The following WNK2 variants were observed in gnomAD, a reference collection of about 807,000 sequenced individuals.
The protein encoded by WNK2 is serine/threonine-protein kinase WNK2.
WNK2 carries 67 observed loss-of-function variants against 192.1 expected under a neutral mutation model. The ratio of observed to expected loss-of-function variants is 0.35; its 90% CI spans 0.29 to 0.43. WNK2 has a LOEUF of 0.43. Ranked by LOEUF, WNK2 falls within the 20% of genes least tolerant of loss-of-function variation. WNK2 has a pLI of 1.00. For missense variants in WNK2, 2,698 were observed against 3,089.7 expected (o/e 0.87, Z 3.01); for synonymous variants, 1,439 against 1,393.9 (o/e 1.03, Z -0.72).
In WNK2 at chr9:93,257,008, C is replaced by G. The variant is rs777610809; in HGVS notation, c.2251C>G (p.Pro751Ala). ...PQVLAPQPVV[P>A]LQPVPPHLPP... ...GGTCCTGGCCCCACAGCCCGTGGTCCCCCTCCAGCCGGTTCCCCCCCACCT... is the reference window on the plus strand; with the variant it reads ...GGTCCTGGCCCCACAGCCCGTGGTCGCCCTCCAGCCGGTTCCCCCCCACCT... Residue 751 changes from proline to alanine, a missense_variant, in exon 11 of 30, where the codon CCC becomes GCC. Transcript: ENST00000427277. The surrounding 1 kb of genome is among the most constrained non-coding windows in gnomAD (Gnocchi z 4.7). 1.0e-5 allele frequency: 16 copies of G among 1,601,222 alleles called. No homozygotes were observed. In the South Asian group the frequency reaches 1.6e-4, roughly 16 times the overall value.
intron 19 of WNK2, among the ~76,000 whole-genome samples, chr9:93,281,270 T>A (rs1038408060): frequency 1.3e-5 from 2 of 152,162 alleles, no homozygotes; most frequent in African/African-American, 4.8e-5. Context: ...TCAGCAGAGG[T>A]TCCCAATGGT....
At chr9:93,243,489 T>C (rs1294434641) in intron 7 of WNK2, among the ~76,000 whole-genome samples, 1 of 152,196 alleles carries the variant, frequency 6.6e-6, no homozygotes, top group East Asian at 1.9e-4. Context: ...CTTTTGCATT[T>C]TTTTCATTGT....
intron 21 of WNK2, among the ~76,000 whole-genome samples, chr9:93,291,505 G>A (rs1849343581): frequency 6.6e-6 from 1 of 152,178 alleles, no homozygotes; most frequent in South Asian, 2.1e-4. Flanking sequence ...GAGATATGAG[G>A]AGGGGAGTCA....
intron 8 of WNK2, among the ~76,000 whole-genome samples, 159 bp from the exon 9 acceptor site, chr9:93,252,724 T>C (rs1252761485): frequency 1.3e-5 from 2 of 152,166 alleles, no homozygotes. Flanking sequence ...CCCAGTATGG[T>C]TCTGTAGCAG....
intron 19 of WNK2, among the ~76,000 whole-genome samples, chr9:93,281,517 G>C (rs1467900376): frequency 1.3e-5 from 2 of 152,110 alleles, no homozygotes; most frequent in African/African-American, 4.8e-5. Flanking sequence ...GAAAACAGTA[G>C]AAAATAGAAA....
intron 19 of WNK2, among the ~76,000 whole-genome samples, chr9:93,281,875 C>T (rs1219132403): frequency 6.6e-6 from 1 of 152,086 alleles, no homozygotes; most frequent in African/African-American, 2.4e-5. Flanking sequence ...GGAAATAAGC[C>T]CCAACCTCAA....
intron 2 of WNK2, among the ~76,000 whole-genome samples, chr9:93,213,735 G>A (rs1342174056): frequency 1.3e-5 from 2 of 151,886 alleles, no homozygotes; most frequent in Non-Finnish European, 2.9e-5. Context: ...GTTGCAGTAA[G>A]CCGAGATCAC....
In WNK2 at chr9:93,184,174, G is replaced by C. The variant is rs1409658019; in HGVS notation, c.-214G>C. 6.7e-6 allele frequency among the ~76,000 whole-genome samples: 1 copy of C among 149,552 alleles called. No homozygotes were observed. The highest frequency in any genetic ancestry group is 6.6e-5 in the Admixed American group (1 of 15,064). ...GCCGGGTCGGAGCCGGTGCGGGAGC[G>C]GAGCCGCGCGAAGCCGGCAGGAGCA... On this transcript the variant is annotated 5_prime_UTR_variant, in exon 1 of 30. Transcript: ENST00000427277.
chr9:93,277,227 G>A, intron 19 of WNK2, among the ~76,000 whole-genome samples: 1 of 152,188 alleles, frequency 6.6e-6, no homozygotes, highest in East Asian at 1.9e-4. Flanking sequence ...CATCAAATCT[G>A]GGTGTGGCTG....
intron 7 of WNK2, among the ~76,000 whole-genome samples, chr9:93,243,074 A>G (rs542284694): frequency 4.3e-4 from 66 of 152,276 alleles, no homozygotes; most frequent in African/African-American, 1.5e-3. Flanking sequence ...TGATTCCAAC[A>G]TGGGTGGTGC....
chr9:93,252,362 G>A (rs1418004135), intron 8 of WNK2, among the ~76,000 whole-genome samples: 1 of 152,250 alleles, frequency 6.6e-6, no homozygotes, highest in Non-Finnish European at 1.5e-5. Flanking sequence ...GGAATAGTGG[G>A]TGCATTTCCC....
At chr9:93,243,213 G>T (rs1239752032) in intron 7 of WNK2, among the ~76,000 whole-genome samples, 1 of 152,180 alleles carries the variant, frequency 6.6e-6, no homozygotes, top group Non-Finnish European at 1.5e-5. Context: ...GGCCTTTCTA[G>T]CTGCTCCGAA....
chr9:93,295,781 ACCTT>A (rs1850193713), intron 23 of WNK2, among the ~76,000 whole-genome samples: 1 of 89,972 alleles, frequency 1.1e-5, no homozygotes, highest in Non-Finnish European at 2.1e-5. Context: ...TCCTCCCTTC[ACCTT>A]CCTTGTCTCT....
In WNK2 at chr9:93,268,685, C is replaced by G. The variant is rs371738304; in HGVS notation, c.3972C>G (p.Pro1324=). ...GTCCGGTGGCTGAGCACCCCGCCCCCGAGGCCCCTGAATCTTCGCCCCCAC... is the reference window on the plus strand; with the variant it reads ...GTCCGGTGGCTGAGCACCCCGCCCCGGAGGCCCCTGAATCTTCGCCCCCAC... ...IICPVAEHPA[P]EAPESSPPLP... Residue 1324 remains proline, a synonymous_variant, in exon 19 of 30, where the codon CCC becomes CCG. Transcript: ENST00000427277. 7 of 1,613,528 alleles carry G rather than the reference C, an allele frequency of 4.3e-6. No individual in the cohort carries two copies. Among genetic ancestry groups the G allele is most frequent in the Admixed American group, 1.7e-5 (1 of 60,012 alleles).
intron 26 of WNK2, 93 bp from the exon 27 acceptor site, chr9:93,306,684 C>T: frequency 6.6e-7 from 1 of 1,518,610 alleles, no homozygotes; most frequent in Non-Finnish European, 9.1e-7. Flanking sequence ...CCTCCCTGCA[C>T]ACTGACGACT....
chr9:93,302,633 C>G (rs1851815610), intron 26 of WNK2, among the ~76,000 whole-genome samples: 2 of 152,192 alleles, frequency 1.3e-5, no homozygotes, highest in Non-Finnish European at 2.9e-5. Context: ...GGGTTGAGGC[C>G]AGGCCAGAGG....
chr9:93,318,792 T>A, intron 29 of WNK2: 2 of 1,411,784 alleles, frequency 1.4e-6, no homozygotes, highest in African/African-American at 2.9e-5. Context: ...GAGATTTCAG[T>A]GGGACTCGTC....
intron 26 of WNK2, chr9:93,300,421 G>A (rs867753173): frequency 4.6e-5 from 16 of 349,062 alleles, no homozygotes; most frequent in African/African-American, 1.3e-4. Context: ...CCTGCCTTCC[G>A]CCCCGGGCAC....
intron 2 of WNK2, among the ~76,000 whole-genome samples, chr9:93,194,082 C>G (rs1051349540): frequency 1.2e-4 from 18 of 152,156 alleles, no homozygotes; most frequent in Admixed American, 1.1e-3. Context: ...AGACGCAGAC[C>G]TTACACCCCT....
Sources: gnomAD v4.1 joint callset for allele counts (sites outside exome capture counted in the v4.1 genomes callset) on GRCh38, gnomAD v4.1.1 for gene constraint, Gnocchi (gnomAD v3.1) non-coding constraint, MANE v1.5 for transcripts, NCBI Gene and HGNC (gene_info 2026-07-23, HGNC 2026-07-21) for gene names.